The following TNXB variants were observed in gnomAD, a reference collection of about 807,000 sequenced individuals.
TNXB encodes the protein tenascin XB.
TNXB carries 183 observed loss-of-function variants against 340.5 expected under a neutral mutation model. The observed-to-expected ratio is 0.54, with a 90% confidence interval of 0.48 to 0.61. The LOEUF (loss-of-function observed/expected upper bound fraction) is 0.61. Among genes scored for constraint, TNXB ranks in the 20% least tolerant of loss-of-function variants. The pLI, the probability that TNXB is intolerant of heterozygous loss-of-function variation, is 0.00. For missense variants in TNXB, 4,613 were observed against 5,446.4 expected (o/e 0.85, Z 4.82); for synonymous variants, 2,121 against 2,314.5 (o/e 0.92, Z 2.40).
Position 32,049,923 on chromosome 6 carries a change from C to G in TNXB, c.9439+75G>C. On this transcript the variant is annotated intron_variant, in intron 27 of 43. Coordinates refer to ENST00000644971, the MANE Select transcript of TNXB (RefSeq NM_001365276.2). The surrounding 1 kb of genome is among the most constrained non-coding windows in gnomAD (Gnocchi z 4.5). ...TGCTGACCAGACCCCTGTCCCATTC[C>G]CCACCAGTCATCACCAAAGAGCAAG... is the stretch of plus-strand genomic sequence containing the variant. 1 of 1,600,672 alleles carries G rather than the reference C, an allele frequency of 6.2e-7. No homozygotes were observed. The highest frequency in any genetic ancestry group is 1.1e-5 in the South Asian group (1 of 89,934).
At position 32,058,502 on chromosome 6, in the gene TNXB, G is replaced by A; in HGVS notation, c.7493-112C>T. On this transcript the variant is annotated intron_variant, in intron 21 of 43. Coordinates refer to ENST00000644971, the MANE Select transcript of TNXB (RefSeq NM_001365276.2). This position sits in a 1 kb window ranked among gnomAD's most constrained non-coding sequence, Gnocchi z 5.1. ...ATGTGCCCCTCCAGAGCAGGCTGAGGGCTGGGGCAGCTTTGTGTTCGCCGT... is the reference window on the plus strand; with the variant it reads ...ATGTGCCCCTCCAGAGCAGGCTGAGAGCTGGGGCAGCTTTGTGTTCGCCGT... The A allele has an allele frequency of 1.1e-6, 1 of 921,772 alleles. No individual in the cohort carries two copies. The allele number at this position is 921,772 out of a possible 1,614,324, so 57.1% of individuals were successfully genotyped here. A position where few individuals can be genotyped will look rare whatever the true frequency, so the allele number is the denominator to read the frequency against.
intron 18 of TNXB, among the ~76,000 whole-genome samples, chr6:32,065,672 TGCAGTGGC>T (rs1188413247): frequency 6.6e-6 from 1 of 152,144 alleles, no homozygotes; most frequent in Non-Finnish European, 1.5e-5. Context: ...CAGGCTGGAG[TGCAGTGGC>T]GCGATCTTGG....
rs749256826 is a variant in TNXB, at chr6:32,070,244, C to T, written c.5161G>A (p.Gly1721Ser). 1.2e-6 allele frequency: 2 copies of T among 1,612,882 alleles called. No individual in the cohort carries two copies. The highest frequency in any genetic ancestry group is 2.2e-5 in the South Asian group (2 of 90,894). ...KDGPQVVPVEGHERSVTVTPL... is the reference protein window; with the variant it reads ...KDGPQVVPVESHERSVTVTPL... ...GTGACAGTGACAGAGCGCTCATGGCCCTCCACGGGCACCACCTGGGGCCCG... is the reference window on the plus strand; with the variant it reads ...GTGACAGTGACAGAGCGCTCATGGCTCTCCACGGGCACCACCTGGGGCCCG... Residue 1721 changes from glycine (G) to serine (S), a missense_variant, in exon 14 of 44, where the codon GGC becomes AGC. Physicochemically the swap from Gly to Ser is moderately conservative, Grantham distance 56 (BLOSUM62 0). Transcript: ENST00000644971. This position sits in a 1 kb window ranked among gnomAD's most constrained non-coding sequence, Gnocchi z 6.0.
At position 32,108,250 on chromosome 6, in the gene TNXB, T is replaced by C. The variant is rs993061884; in HGVS notation, c.-9+931A>G. 6.6e-6 allele frequency among the ~76,000 whole-genome samples: 1 copy of C among 152,154 alleles called. No homozygotes were observed. Among genetic ancestry groups the C allele is most frequent in the Non-Finnish European group, 1.5e-5 (1 of 68,018 alleles). ...GTGTTTCCGAGTTGCTTCCCAGTAG[T>C]TCCTCTCAGTTCCACTTCCAGTTGT... is the stretch of plus-strand genomic sequence containing the variant. On this transcript the variant is annotated intron_variant, in intron 1 of 43. Coordinates refer to ENST00000644971, the MANE Select transcript of TNXB (RefSeq NM_001365276.2). This position sits in a 1 kb window ranked among gnomAD's most constrained non-coding sequence, Gnocchi z 4.8.
In TNXB at chr6:32,046,729, C is replaced by T. The variant is rs562576423; in HGVS notation, c.10325-273G>A. On this transcript the variant is annotated intron_variant, in intron 30 of 43. Transcript: ENST00000644971. The surrounding 1 kb of genome is among the most constrained non-coding windows in gnomAD (Gnocchi z 6.9). ...ATGCGCCAAATTCATTACAGATCAT[C>T]TCCCGAGGGATGGGTGGCTGGGGGT... The T allele has an allele frequency of 2.7e-4, 100 of 371,980 alleles. No homozygotes were observed. Among genetic ancestry groups the T allele is most frequent in the Middle Eastern group, 1.4e-3 (2 of 1,450 alleles). 23.0% of individuals were successfully genotyped at this position (371,980 alleles called of 1,614,324 possible). A position where few individuals can be genotyped will look rare whatever the true frequency, so the allele number is the denominator to read the frequency against.
Position 32,068,488 on chromosome 6 carries a change from G to A in TNXB, c.6122C>T (p.Thr2041Ile). 2 of 1,613,886 alleles carry A rather than the reference G, an allele frequency of 1.2e-6. No homozygotes were observed. The highest frequency in any genetic ancestry group is 8.5e-7 in the Non-Finnish European group (1 of 1,179,900). The change falls in exon 17 of 44, where the codon ACC becomes ATC. Residue 2041 changes from threonine (T) to isoleucine (I), a missense_variant. Coordinates refer to ENST00000644971, the MANE Select transcript of TNXB (RefSeq NM_001365276.2). The surrounding 1 kb of genome is among the most constrained non-coding windows in gnomAD (Gnocchi z 5.3). ...VRVPGHEEGV[T>I]ISGLEPDHKY... ...ATGGTCTGGCTCCAGGCCCGAGATG[G>A]TGACCCCTTCCTCGTGCCCTGGCAC...
rs776391842 is a variant in TNXB at position 32,069,880 on chromosome 6, G to C, written c.5279-19C>G. 6.4e-7 allele frequency: 1 copy of C among 1,571,390 alleles called. No individual in the cohort carries two copies. Among genetic ancestry groups the C allele is most frequent in the African/African-American group, 1.4e-5 (1 of 73,688 alleles). On this transcript the variant is annotated intron_variant, in intron 14 of 43. Coordinates refer to ENST00000644971, the MANE Select transcript of TNXB (RefSeq NM_001365276.2). The surrounding 1 kb of genome is among the most constrained non-coding windows in gnomAD (Gnocchi z 6.2). ...CGGGCTTCTGAGATGGAGACACGGA[G>C]AGGAAACGGCTGAGCTGTTTCTGGA... is the stretch of plus-strand genomic sequence containing the variant.
chr6:32,088,965 C>T lies in TNXB; in HGVS notation c.2599G>A (p.Val867Met). The T allele has an allele frequency of 5.0e-6, 8 of 1,610,386 alleles. No homozygotes were observed. Among genetic ancestry groups the T allele is most frequent in the Non-Finnish European group, 6.8e-6 (8 of 1,178,492 alleles). Residue 867 changes from valine (V) to methionine (M), a missense_variant, in exon 6 of 44, where the codon GTG becomes ATG. Around this residue, in one of 7 missense-constraint regions of TNXB, gnomAD observed 4,327 missense variants for 4,859.4 expected, o/e 0.89. Coordinates refer to ENST00000644971, the MANE Select transcript of TNXB (RefSeq NM_001365276.2). ...ELGWLRPQAE[V>M]DRFVVSYVSA... is the part of the protein sequence containing the mutation. ...ACGTAGGACACCACAAATCGGTCCACCTCAGCCTGGGGACGCAGCCAGCCA... is the reference window on the plus strand; with the variant it reads ...ACGTAGGACACCACAAATCGGTCCATCTCAGCCTGGGGACGCAGCCAGCCA...
intron 1 of TNXB, among the ~76,000 whole-genome samples, chr6:32,103,971 T>C (rs1031995020): frequency 1.3e-5 from 2 of 152,142 alleles, no homozygotes; most frequent in Non-Finnish European, 2.9e-5. Context: ...GCTCAGGTGA[T>C]CTGCCCACCT....
intron 18 of TNXB, among the ~76,000 whole-genome samples, chr6:32,066,121 G>A (rs1196032187): frequency 2.6e-5 from 4 of 152,182 alleles, no homozygotes; most frequent in Admixed American, 2.6e-4. Flanking sequence ...GAGAGAGCAG[G>A]TGGCTCATGC....
chr6:32,062,254 G>A lies in TNXB; in HGVS notation c.7071C>T (p.Thr2357=). The part of the protein sequence containing the change: ...TRVPGHEDRV[T]ISGLEPDNKY... ...TGTTGTCTGGCTCCAGGCCGGAGATGGTGACCCTGTCCTCATGTCCTGGCA... is the reference window on the plus strand; with the variant it reads ...TGTTGTCTGGCTCCAGGCCGGAGATAGTGACCCTGTCCTCATGTCCTGGCA... Residue 2357 remains threonine, a synonymous_variant, in exon 20 of 44, where the codon ACC becomes ACT. Transcript: ENST00000644971. This position sits in a 1 kb window ranked among gnomAD's most constrained non-coding sequence, Gnocchi z 4.3. 1 of 1,613,320 alleles carries A rather than the reference G, an allele frequency of 6.2e-7. No homozygotes were observed. Among genetic ancestry groups the A allele is most frequent in the East Asian group, 2.2e-5 (1 of 44,884 alleles).
At position 32,096,197 on chromosome 6, in the gene TNXB, T is replaced by C; in HGVS notation, c.1656A>G (p.Glu552=). ...CGGGGCAGCTGCGCGTGCTGCAGTC[T>C]TCCCCTGAGTAGCCTGCGTCACACA... ...VCVCDAGYSG[E]DCSTRSCPGG... Residue 552 remains glutamate, a synonymous_variant, in exon 3 of 44, where the codon GAA becomes GAG. Transcript: ENST00000644971. 1 of 1,565,290 alleles carries C rather than the reference T, an allele frequency of 6.4e-7. No homozygotes were observed. Among genetic ancestry groups the C allele is most frequent in the Non-Finnish European group, 8.6e-7 (1 of 1,158,510 alleles).
chr6:32,052,384 G>A lies in TNXB; in HGVS notation c.9115+286C>T, dbSNP rs1219722045. 1.3e-5 allele frequency among the ~76,000 whole-genome samples: 2 copies of A among 151,850 alleles called. No homozygotes were observed. Among genetic ancestry groups the A allele is most frequent in the Admixed American group, 1.3e-4 (2 of 15,240 alleles). ...GAGAATCACTTGAACCCAGGAGGCG[G>A]AGGTTCCAGTGAGCCGAGATTGAGC... On this transcript the variant is annotated intron_variant, in intron 26 of 43. Coordinates refer to ENST00000644971, the MANE Select transcript of TNXB (RefSeq NM_001365276.2). The surrounding 1 kb of genome is among the most constrained non-coding windows in gnomAD (Gnocchi z 4.7).
intron 1 of TNXB, among the ~76,000 whole-genome samples, chr6:32,098,652 G>A (rs1057361100): frequency 1.3e-5 from 2 of 151,910 alleles, no homozygotes; most frequent in African/African-American, 4.8e-5. Flanking sequence ...GGCTAATTTT[G>A]TACTTTTAGT....
In TNXB at chr6:32,097,773, C is replaced by T; in HGVS notation, c.403+23G>A. ...GCCCACCCCACCCCACCTCTCCACC[C>T]TCTTCTGTGATCACCTGCTCACCTG... On this transcript the variant is annotated intron_variant, in intron 2 of 43. Coordinates refer to ENST00000644971, the MANE Select transcript of TNXB (RefSeq NM_001365276.2). The surrounding 1 kb of genome is among the most constrained non-coding windows in gnomAD (Gnocchi z 5.9). The T allele has an allele frequency of 6.7e-7, 1 of 1,498,160 alleles. No individual in the cohort carries two copies. The highest frequency in any genetic ancestry group is 8.9e-7 in the Non-Finnish European group (1 of 1,123,472). The allele number at this position is 1,498,160 out of a possible 1,614,324, so 92.8% of individuals were successfully genotyped here.
chr6:32,095,648 G>A lies in TNXB; in HGVS notation c.2205C>T (p.Val735=). Residue 735 remains valine, a synonymous_variant, in exon 3 of 44, where the codon GTC becomes GTT. Transcript: ENST00000644971. The stretch of plus-strand genomic sequence containing the variant: ...CTTCGCCAGCATACCCATCTTTGCA[G>A]ACACAGCTGCCATCGTGACACTCTC... The part of the protein sequence containing the change: ...GRGECHDGSC[V]CKDGYAGEDC... 6.2e-7 allele frequency: 1 copy of A among 1,613,914 alleles called. No individual in the cohort carries two copies. The highest frequency in any genetic ancestry group is 8.5e-7 in the Non-Finnish European group (1 of 1,179,812).
rs899588244 is a variant in TNXB, at chr6:32,097,481, C to G, written c.404-32G>C. 6.4e-7 allele frequency: 1 copy of G among 1,567,776 alleles called. No individual in the cohort carries two copies. Among genetic ancestry groups the G allele is most frequent in the East Asian group, 2.2e-5 (1 of 44,454 alleles). On this transcript the variant is annotated intron_variant, in intron 2 of 43. Coordinates refer to ENST00000644971, the MANE Select transcript of TNXB (RefSeq NM_001365276.2). This position sits in a 1 kb window ranked among gnomAD's most constrained non-coding sequence, Gnocchi z 5.9. ...TAGGAGGGGAGAGGCAAGTCTCAGT[C>G]TCTCTCCTGGGAGAGAGGCTGAGCC...
Position 32,079,301 on chromosome 6 carries a change from G to T in TNXB, c.4107C>A (p.Ser1369=), listed in dbSNP as rs753573303. 1 of 1,612,876 alleles carries T rather than the reference G, an allele frequency of 6.2e-7. No homozygotes were observed. The highest frequency in any genetic ancestry group is 1.7e-5 in the Admixed American group (1 of 60,022). Residue 1369 remains serine (S), a synonymous_variant, in exon 11 of 44, where the codon TCC becomes TCA. Coordinates refer to ENST00000644971, the MANE Select transcript of TNXB (RefSeq NM_001365276.2). The surrounding 1 kb of genome is among the most constrained non-coding windows in gnomAD (Gnocchi z 7.1). ...PTELGTEAPE[S]PEEPLLGELT... is the part of the protein sequence containing the mutation. The stretch of plus-strand genomic sequence containing the variant: ...GCTCCCCCAGGAGCGGCTCCTCGGG[G>T]GACTCCGGGGCCTCCGTGCCCAGTT...
At chr6:32,050,797 A>G (rs1401620657) in intron 26 of TNXB, among the ~76,000 whole-genome samples, 7 of 150,632 alleles carry the variant, frequency 4.6e-5, no homozygotes, top group Admixed American at 1.3e-4. Context: ...TTCCTCCCCA[A>G]CCTCCAGTCC....
Sources: allele counts gnomAD v4.1 joint callset (sites outside exome capture counted in the v4.1 genomes callset), GRCh38; gene constraint gnomAD v4.1.1; regional missense constraint gnomAD v4.1.1; non-coding constraint Gnocchi (gnomAD v3.1); transcripts MANE v1.5; gene names NCBI Gene and HGNC (gene_info 2026-07-23, HGNC 2026-07-21).